UBR2: variants seen among roughly 807,000 people sequenced by gnomAD.
UBR2 encodes the protein ubiquitin protein ligase E3 component n-recognin 2.
A neutral mutation model predicts 247.9 loss-of-function variants in UBR2; 92 were observed. The observed-to-expected ratio is 0.37, with a 90% CI of 0.31 to 0.44. The LOEUF (loss-of-function observed/expected upper bound fraction) is 0.44. Among genes scored for constraint, UBR2 ranks in the 20% least tolerant of loss-of-function variants. UBR2 has a pLI of 1.00. For missense variants in UBR2, 1,613 were observed against 2,112.6 expected (o/e 0.76, Z 4.64); for synonymous variants, 672 against 693.5 (o/e 0.97, Z 0.49).
intron 11 of UBR2, among the ~76,000 whole-genome samples, chr6:42,628,267 T>C (rs1233103910): frequency 1.3e-5 from 2 of 152,050 alleles, no homozygotes; most frequent in Non-Finnish European, 2.9e-5. Context: ...AATACTTTTA[T>C]AGTTCTTTAA....
intron 7 of UBR2, 60 bp from the exon 8 acceptor site, chr6:42,612,111 T>C (rs934538079): frequency 1.5e-5 from 21 of 1,418,982 alleles, no homozygotes; most frequent in Non-Finnish European, 2.0e-5. Context: ...ATAATAACTT[T>C]GTTCTGCCAA....
intron 11 of UBR2, chr6:42,619,549 G>T: frequency 4.5e-6 from 1 of 221,018 alleles, no homozygotes; most frequent in Non-Finnish European, 8.6e-6. Context: ...AGGAGTCTGA[G>T]ACCAGCCTGG....
At chr6:42,601,406 TCG>T (rs2151925403) in intron 4 of UBR2, among the ~76,000 whole-genome samples, 1 of 152,124 alleles carries the variant, frequency 6.6e-6, no homozygotes, top group South Asian at 2.1e-4. Flanking sequence ...ATAAAAAACT[TCG>T]CTGGGCGCGG....
chr6:42,619,453 A>ATATATATATTTTTTTTTTTTTTT, intron 11 of UBR2: 4 of 23,714 alleles, frequency 1.7e-4, no homozygotes, highest in Non-Finnish European at 3.3e-4. Context: ...ATATATATAT[A>ATATATATATTTTTTTTTTTTTTT]TTTTTTTTTT....
chr6:42,627,960 G>A (rs1034439169), intron 11 of UBR2, among the ~76,000 whole-genome samples: 30 of 152,156 alleles, frequency 2.0e-4, no homozygotes, highest in African/African-American at 5.8e-4. Flanking sequence ...GATCTCTTTC[G>A]TTGTCATAAT....
At chr6:42,578,762 T>C (rs1273880157) in intron 2 of UBR2, among the ~76,000 whole-genome samples, 1 of 152,110 alleles carries the variant, frequency 6.6e-6, no homozygotes, top group Non-Finnish European at 1.5e-5. Flanking sequence ...GTTCTTTCAG[T>C]TTCTTGCTTT....
At chr6:42,614,149 C>A (rs1171711265) in intron 8 of UBR2, among the ~76,000 whole-genome samples, 6 of 136,024 alleles carry the variant, frequency 4.4e-5, no homozygotes, top group Admixed American at 4.0e-4. Context: ...CGCACTGCAG[C>A]CTGGGTGACA....
chr6:42,604,033 T>C (rs958161196), intron 5 of UBR2, among the ~76,000 whole-genome samples: 4 of 152,196 alleles, frequency 2.6e-5, no homozygotes, highest in African/African-American at 9.6e-5. Context: ...TCACTTTTTG[T>C]TTTGTTTATT....
intron 1 of UBR2, among the ~76,000 whole-genome samples, chr6:42,566,765 A>C (rs1790805097): frequency 1.3e-5 from 2 of 151,556 alleles, no homozygotes; most frequent in Non-Finnish European, 2.9e-5. Context: ...GGGGTCTTGC[A>C]CTGTTGCCCA....
At chr6:42,666,360 G>GGT in intron 34 of UBR2, 115 bp downstream of exon 34, 1 of 799,478 alleles carries the variant, frequency 1.3e-6, no homozygotes, top group Non-Finnish European at 2.0e-6. Context: ...ATAGGATACT[G>GGT]ATCTTTAGTT....
chr6:42,565,469 G>T (rs78237746), intron 1 of UBR2, among the ~76,000 whole-genome samples: 2,651 of 152,284 alleles, frequency 0.017, 64 homozygotes, highest in African/African-American at 0.059. Flanking sequence ...ATTAAGTCCG[G>T]GTAGAAAGAA....
chr6:42,634,793 A>G (rs963317026), intron 13 of UBR2, among the ~76,000 whole-genome samples: 2 of 152,214 alleles, frequency 1.3e-5, no homozygotes, highest in Admixed American at 1.3e-4. Flanking sequence ...GTGGTAGTTC[A>G]TGGGTGTTTA....
intron 2 of UBR2, among the ~76,000 whole-genome samples, chr6:42,581,772 T>C (rs1791918718): frequency 6.6e-6 from 1 of 152,222 alleles, no homozygotes; most frequent in Admixed American, 6.5e-5. Flanking sequence ...TGTATAAATG[T>C]GCCACAGTTG....
At position 42,650,294 on chromosome 6, in the gene UBR2, T is replaced by C. The variant is rs776431356; in HGVS notation, c.2473T>C (p.Leu825=). The change falls in exon 23 of 47, where the codon TTA becomes CTA. Residue 825 remains leucine (L), a synonymous_variant. Coordinates refer to ENST00000372901, the MANE Select transcript of UBR2 (RefSeq NM_001363705.2). ...TCCTTTCTTTCACAGGAAACCTGGA[T>C]TAACAGGACGAGGCATGTATGAACT... The part of the protein sequence containing the change: ...EAVAHFKKPG[L]TGRGMYELKP... 1.9e-6 allele frequency: 3 copies of C among 1,613,286 alleles called. No individual in the cohort carries two copies. The highest frequency in any genetic ancestry group is 2.5e-6 in the Non-Finnish European group (3 of 1,179,646).
intron 11 of UBR2, chr6:42,619,493 G>A (rs1436118974): frequency 5.0e-6 from 1 of 199,662 alleles, no homozygotes; most frequent in Non-Finnish European, 8.8e-6. Flanking sequence ...GGGCGCAGTG[G>A]CTCACCTCTG....
chr6:42,573,978 C>T lies in UBR2; in HGVS notation c.323C>T (p.Pro108Leu). The T allele has an allele frequency of 1.9e-6, 3 of 1,591,138 alleles. No homozygotes were observed. The highest frequency in any genetic ancestry group is 2.3e-5 in the South Asian group (2 of 87,004). ...LCGRVFKVGE[P>L]TYSCRDCAVD... Reference sequence around the variant, plus strand: ...GGTCGTGTTTTTAAAGTAGGAGAGCCTACATATTCTTGCAGGTAAAATATT... The same window carrying T: ...GGTCGTGTTTTTAAAGTAGGAGAGCTTACATATTCTTGCAGGTAAAATATT... Residue 108 changes from proline (P) to leucine (L), a missense_variant, in exon 2 of 47, where the codon CCT (proline) becomes CTT (leucine). Around this residue, in one of 3 missense-constraint regions of UBR2, gnomAD observed 1,524 missense variants for 1,967.3 expected, o/e 0.77. Transcript: ENST00000372901.
At chr6:42,661,013 G>T (rs1392460738) in intron 30 of UBR2, among the ~76,000 whole-genome samples, 1 of 147,656 alleles carries the variant, frequency 6.8e-6, no homozygotes, top group Non-Finnish European at 1.5e-5. Flanking sequence ...AAAAAAAAAG[G>T]CCAGGCGCAG....
chr6:42,647,535 GC>G (rs1796845792), intron 21 of UBR2, among the ~76,000 whole-genome samples: 2 of 151,868 alleles, frequency 1.3e-5, no homozygotes, highest in African/African-American at 4.8e-5. Flanking sequence ...GGTGGAGGTT[GC>G]AGTGAGCCAA....
chr6:42,619,422 TATATATATATATATATATATATATATATA>T (rs1238833457), intron 11 of UBR2: 4 of 12,224 alleles, frequency 3.3e-4, no homozygotes, highest in South Asian at 5.0e-3. Flanking sequence ...CATATATATA[TATATATATATATATATATATATATATATA>T]TATTTTTTTT....
Sources: allele counts gnomAD v4.1 joint callset (sites outside exome capture counted in the v4.1 genomes callset), GRCh38; gene constraint gnomAD v4.1.1; regional missense constraint gnomAD v4.1.1; transcripts MANE v1.5; gene names NCBI Gene and HGNC (gene_info 2026-07-23, HGNC 2026-07-21).